The following GTF2E2 variants were observed in gnomAD, a reference collection of about 807,000 sequenced individuals.
The protein encoded by GTF2E2 is general transcription factor IIE subunit 2, also known as transcription initiation factor IIE subunit beta.
GTF2E2 carries 21 observed loss-of-function variants against 40.5 expected under a neutral mutation model. The observed-to-expected ratio is 0.52, with a 90% CI of 0.37 to 0.75. The LOEUF (loss-of-function observed/expected upper bound fraction) is 0.75, where lower values mean the gene tolerates loss of function less well. Among genes scored for constraint, GTF2E2 ranks in the 30% least tolerant of loss-of-function variants. GTF2E2 has a pLI of 0.00. For missense variants in GTF2E2, 298 were observed against 338.4 expected, an observed-to-expected ratio of 0.88 and a Z score of 0.94; for synonymous variants, 117 against 121.6, an observed-to-expected ratio of 0.96 and a Z score of 0.25.
intron 6 of GTF2E2, among the ~76,000 whole-genome samples, chr8:30,596,103 T>A (rs115797714): frequency 6.6e-6 from 1 of 152,202 alleles, no homozygotes; most frequent in Admixed American, 6.5e-5. Context: ...GAATATGATA[T>A]GCCTCGGTGT....
At chr8:30,615,958 T>C (rs570948467) in intron 3 of GTF2E2, among the ~76,000 whole-genome samples, 2 of 152,242 alleles carry the variant, frequency 1.3e-5, no homozygotes, top group South Asian at 4.1e-4. Context: ...AAATAAACCG[T>C]GGTATATCCA....
rs1802509993 is a variant in GTF2E2, at chr8:30,658,182, C to T, written c.-214G>A. On this transcript the variant is annotated 5_prime_UTR_variant, in exon 1 of 8. Coordinates refer to ENST00000355904, the MANE Select transcript of GTF2E2 (RefSeq NM_002095.6). ...GCGGCAGCGGCGGTAGCTGAGGCGG[C>T]GACTGGACCCGGGACTCCGCCCGCC... is the stretch of plus-strand genomic sequence containing the variant. 4 of 192,060 alleles carry T rather than the reference C, an allele frequency of 2.1e-5. No homozygotes were observed. Among genetic ancestry groups the T allele is most frequent in the South Asian group, 7.8e-5 (1 of 12,810 alleles). The allele number at this position is 192,060 out of a possible 1,614,324, so 11.9% of individuals were successfully genotyped here. A position where few individuals can be genotyped will look rare whatever the true frequency, so the allele number is the denominator to read the frequency against.
intron 2 of GTF2E2, chr8:30,645,371 T>C: frequency 6.5e-7 from 1 of 1,535,684 alleles, no homozygotes; most frequent in Non-Finnish European, 8.7e-7. Flanking sequence ...GGTTTTCAAG[T>C]TCAAAAAATT....
In GTF2E2 at chr8:30,635,765, C is replaced by T. The variant is rs183766100; in HGVS notation, c.167-642G>A. Among the ~76,000 whole-genome samples the T allele has an allele frequency of 1.3e-3, 200 of 152,144 alleles. 2 individuals are homozygous for T. Among genetic ancestry groups the T allele is most frequent in the South Asian group, 0.012 (59 of 4,826 alleles). ...AAGTACACTTTATTAAACAAGGAAACAATACAAACCTCAATCCCATCCATA... is the reference window on the plus strand; with the variant it reads ...AAGTACACTTTATTAAACAAGGAAATAATACAAACCTCAATCCCATCCATA... On this transcript the variant is annotated intron_variant, in intron 2 of 7. Coordinates refer to ENST00000355904, the MANE Select transcript of GTF2E2 (RefSeq NM_002095.6).
chr8:30,585,897 C>G (rs1040396053), intron 6 of GTF2E2, among the ~76,000 whole-genome samples: 3 of 150,684 alleles, frequency 2.0e-5, no homozygotes, highest in Admixed American at 6.6e-5. Flanking sequence ...CCAGCCTGGG[C>G]AATATATAGA....
intron 3 of GTF2E2, among the ~76,000 whole-genome samples, chr8:30,623,449 T>C (rs1801173389): frequency 6.6e-6 from 1 of 152,162 alleles, no homozygotes. Context: ...CTATCATTGT[T>C]GGACATTTGA....
chr8:30,637,810 C>T (rs952491636), intron 2 of GTF2E2, among the ~76,000 whole-genome samples: 5 of 152,150 alleles, frequency 3.3e-5, no homozygotes, highest in Admixed American at 6.5e-5. Flanking sequence ...CATGGGCCAC[C>T]GCTCCCAGCC....
rs901778090 is a variant in GTF2E2, at chr8:30,619,971, A to G, written c.259-5256T>C. Among the ~76,000 whole-genome samples the G allele has an allele frequency of 1.7e-4, 26 of 152,056 alleles. 1 individual carries two copies. The highest frequency in any genetic ancestry group is 6.3e-4 in the African/African-American group (26 of 41,388). On this transcript the variant is annotated intron_variant, in intron 3 of 7. Transcript: ENST00000355904. ...GAGGGAGGCAGGAGAGTCCGAGTGAATAGCAAGAGATGTGACAACAGAAGA... is the reference window on the plus strand; with the variant it reads ...GAGGGAGGCAGGAGAGTCCGAGTGAGTAGCAAGAGATGTGACAACAGAAGA...
chr8:30,634,868 T>C (rs533544388), intron 3 of GTF2E2, among the ~76,000 whole-genome samples, 164 bp downstream of exon 3: 7 of 152,324 alleles, frequency 4.6e-5, no homozygotes, highest in Admixed American at 2.0e-4. Flanking sequence ...TAATACAATG[T>C]AAAAGGCTTG....
chr8:30,594,113 T>C (rs1194275459), intron 6 of GTF2E2, among the ~76,000 whole-genome samples: 1 of 151,938 alleles, frequency 6.6e-6, no homozygotes, highest in Non-Finnish European at 1.5e-5. Context: ...GTATTTTTAG[T>C]AGAGATGAGG....
rs1238604843 is a variant in GTF2E2, at chr8:30,645,299, A to C, written c.166+8134T>G. ...TTTATAGATTCAAAAGAGCAAGTGG[A>C]ATCTCTAAGAATGGCTTCCAGCCAC... On this transcript the variant is annotated intron_variant, in intron 2 of 7. Coordinates refer to ENST00000355904, the MANE Select transcript of GTF2E2 (RefSeq NM_002095.6). 3 of 1,528,884 alleles carry C rather than the reference A, an allele frequency of 2.0e-6. No homozygotes were observed. The South Asian group carries it at 3.6e-5, about 18-fold the overall frequency. 94.7% of individuals were successfully genotyped at this position (1,528,884 alleles called of 1,614,324 possible).
chr8:30,653,051 G>A (rs1380593634), intron 2 of GTF2E2, among the ~76,000 whole-genome samples: 1 of 152,180 alleles, frequency 6.6e-6, no homozygotes, highest in African/African-American at 2.4e-5. Context: ...TTCCGGGGCA[G>A]GGATGGGAAA....
chr8:30,612,737 G>C (rs981882196), intron 4 of GTF2E2, among the ~76,000 whole-genome samples: 1 of 152,072 alleles, frequency 6.6e-6, no homozygotes, highest in Non-Finnish European at 1.5e-5. Flanking sequence ...AGTAGAGACG[G>C]GGTTTCACCA....
In GTF2E2 at chr8:30,578,907, G is replaced by C; in HGVS notation, c.*14C>G. The C allele has an allele frequency of 7.8e-7, 1 of 1,286,364 alleles. No homozygotes were observed. Among genetic ancestry groups the C allele is most frequent in the Non-Finnish European group, 1.1e-6 (1 of 880,546 alleles). The allele number at this position is 1,286,364 out of a possible 1,614,324, so 79.7% of individuals were successfully genotyped here. On this transcript the variant is annotated 3_prime_UTR_variant, in exon 8 of 8. Transcript: ENST00000355904. ...TTGTGTATCTGTAACTCTGTTCCAG[G>C]GCAAAACTGTTCCCTATTTGCTGGA...
chr8:30,629,941 A>G (rs1801394424), intron 3 of GTF2E2, among the ~76,000 whole-genome samples: 1 of 152,210 alleles, frequency 6.6e-6, no homozygotes, highest in Non-Finnish European at 1.5e-5. Context: ...CATTTTATCA[A>G]AAATAAAGTA....
chr8:30,657,664 C>T (rs1257743668), intron 1 of GTF2E2: 1 of 152,250 alleles, frequency 6.6e-6, no homozygotes, highest in Non-Finnish European at 1.5e-5. Flanking sequence ...CGCGGCTGCT[C>T]AAACTCCACA....
chr8:30,622,915 A>G (rs1801156107), intron 3 of GTF2E2, among the ~76,000 whole-genome samples: 1 of 152,048 alleles, frequency 6.6e-6, no homozygotes. Context: ...CCCAGATTTC[A>G]TATTGTTCAA....
chr8:30,657,867 G>A (rs1407424018), intron 1 of GTF2E2, 106 bp downstream of exon 1: 1 of 152,264 alleles, frequency 6.6e-6, no homozygotes, highest in African/African-American at 2.4e-5. Flanking sequence ...AGCTTCCCGT[G>A]AGGTGGAGGT....
intron 6 of GTF2E2, among the ~76,000 whole-genome samples, chr8:30,584,089 A>G (rs1322056188): frequency 6.6e-6 from 1 of 152,102 alleles, no homozygotes; most frequent in Non-Finnish European, 1.5e-5. Context: ...TACAGGCGTG[A>G]GCCACCGTGC....
Sources: gnomAD v4.1 joint callset for allele counts (sites outside exome capture counted in the v4.1 genomes callset) on GRCh38, gnomAD v4.1.1 for gene constraint, MANE v1.5 for transcripts, NCBI Gene and HGNC (gene_info 2026-07-23, HGNC 2026-07-21) for gene names.